CRACD: variants seen among roughly 807,000 people sequenced by gnomAD.
CRACD encodes capping protein inhibiting regulator of actin dynamics, also known as capping protein-inhibiting regulator of actin dynamics.
In CRACD, 56 loss-of-function variants were observed where a neutral mutation model predicts 106.8. That is an observed-to-expected ratio of 0.52 (90% CI 0.42 to 0.66). CRACD has a LOEUF of 0.66. Among genes scored for constraint, CRACD ranks in the 30% least tolerant of loss-of-function variants. The pLI is 0.00. For missense variants in CRACD, 1,730 were observed against 1,623.2 expected (o/e 1.07, Z -1.13); for synonymous variants, 754 against 670.8 (o/e 1.12, Z -1.92).
chr4:56,286,135 G>GT (rs1743326071), intron 3 of CRACD, among the ~76,000 whole-genome samples: 1 of 152,080 alleles, frequency 6.6e-6, no homozygotes, highest in Admixed American at 6.5e-5. Flanking sequence ...GCTCATGACC[G>GT]TAATCCCAGC....
At chr4:56,322,246 C>T (rs565685732) in intron 8 of CRACD, among the ~76,000 whole-genome samples, 1 of 152,218 alleles carries the variant, frequency 6.6e-6, no homozygotes, top group Non-Finnish European at 1.5e-5. Context: ...TTCCCAGGAT[C>T]TCTTTTAATT....
intron 1 of CRACD, among the ~76,000 whole-genome samples, chr4:56,093,689 G>A (rs754162428): frequency 1.3e-5 from 2 of 152,210 alleles, no homozygotes; most frequent in Non-Finnish European, 2.9e-5. Context: ...TCTTCTAAAT[G>A]TTTTCAATGC....
At chr4:56,114,119 C>T (rs1734207256) in intron 1 of CRACD, among the ~76,000 whole-genome samples, 1 of 151,860 alleles carries the variant, frequency 6.6e-6, no homozygotes, top group Non-Finnish European at 1.5e-5. Context: ...GTAGGCAACC[C>T]ATGGCTGATC....
chr4:56,319,331 G>A (rs150392232), intron 8 of CRACD, among the ~76,000 whole-genome samples: 2,339 of 152,260 alleles, frequency 0.015, 32 homozygotes, highest in Admixed American at 0.027. Context: ...TTGGCCAGAC[G>A]TGGTGGCTTA....
intron 1 of CRACD, among the ~76,000 whole-genome samples, chr4:56,158,015 T>C (rs1333508444): frequency 1.3e-5 from 2 of 152,242 alleles, no homozygotes; most frequent in Non-Finnish European, 2.9e-5. Flanking sequence ...GTTTTGCTGT[T>C]ATTTGGTTAC....
intron 3 of CRACD, among the ~76,000 whole-genome samples, chr4:56,290,017 G>C (rs1743614068): frequency 6.6e-6 from 1 of 152,154 alleles, no homozygotes; most frequent in Non-Finnish European, 1.5e-5. Flanking sequence ...TGTTGGCTGT[G>C]TGAGGGCTGT....
At position 56,286,983 on chromosome 4, in the gene CRACD, A is replaced by G. The variant is rs545014762; in HGVS notation, c.-16-11231A>G. On this transcript the variant is annotated intron_variant, in intron 3 of 10. Transcript: ENST00000682029. ...CCATATAGTATTCCAGCAAATTGCA[A>G]TGACTCATCCAGGCCTCCGCTGAGT... 5.5e-4 allele frequency among the ~76,000 whole-genome samples: 84 copies of G among 152,342 alleles called. No homozygotes were observed. In the East Asian group the frequency reaches 6.2e-3, roughly 11 times the overall value.
At chr4:56,286,089 C>A (rs567368910) in intron 3 of CRACD, among the ~76,000 whole-genome samples, 1 of 152,148 alleles carries the variant, frequency 6.6e-6, no homozygotes, top group South Asian at 2.1e-4. Flanking sequence ...GGCAAATTAA[C>A]TCCTTTAAGA....
chr4:56,067,361 C>T (rs1307087338), intron 1 of CRACD, among the ~76,000 whole-genome samples: 2 of 152,098 alleles, frequency 1.3e-5, no homozygotes, highest in African/African-American at 4.8e-5. Context: ...TCTGGCCTGC[C>T]CCAAAACATG....
chr4:56,173,911 G>A (rs1395548166), intron 1 of CRACD, among the ~76,000 whole-genome samples: 1 of 152,124 alleles, frequency 6.6e-6, no homozygotes, highest in Non-Finnish European at 1.5e-5. Flanking sequence ...TTTGATAATG[G>A]CCATCCTAGT....
At chr4:56,319,178 C>T (rs933917915) in intron 8 of CRACD, among the ~76,000 whole-genome samples, 1 of 152,152 alleles carries the variant, frequency 6.6e-6, no homozygotes, top group African/African-American at 2.4e-5. Context: ...GAACAAAAAG[C>T]ACCCACCACA....
intron 1 of CRACD, among the ~76,000 whole-genome samples, chr4:56,078,211 T>C (rs1322862248): frequency 1.3e-5 from 2 of 152,202 alleles, no homozygotes; most frequent in Admixed American, 1.3e-4. Context: ...ATTGTTGTTT[T>C]ATTGGTTTCA....
At chr4:56,162,454 A>G (rs993130760) in intron 1 of CRACD, among the ~76,000 whole-genome samples, 1 of 152,126 alleles carries the variant, frequency 6.6e-6, no homozygotes, top group African/African-American at 2.4e-5. Context: ...AGATCCTCCC[A>G]CCTTGGCCTG....
At chr4:56,267,291 T>G (rs559471787) in intron 2 of CRACD, among the ~76,000 whole-genome samples, 1 of 151,992 alleles carries the variant, frequency 6.6e-6, no homozygotes, top group East Asian at 1.9e-4. Flanking sequence ...CAGCTAATTT[T>G]TTTTGTATTT....
chr4:56,266,446 C>A (rs1742024018), intron 2 of CRACD, among the ~76,000 whole-genome samples: 1 of 152,186 alleles, frequency 6.6e-6, no homozygotes, highest in Non-Finnish European at 1.5e-5. Flanking sequence ...TCCCTCCTGT[C>A]CCCTTCTTCC....
chr4:56,314,096 A>C lies in CRACD; in HGVS notation c.594A>C (p.Gly198=), dbSNP rs199811649. 162 of 1,614,148 alleles carry C rather than the reference A, an allele frequency of 1.0e-4. No individual in the cohort carries two copies. In the African/African-American group the frequency reaches 1.9e-3, roughly 19 times the overall value. The change falls in exon 8 of 11, where the codon GGA becomes GGC. Residue 198 remains glycine (G), a synonymous_variant. Transcript: ENST00000682029. The surrounding 1 kb of genome is among the most constrained non-coding windows in gnomAD (Gnocchi z 4.4). ...GTCGGCCCTGCCTGGACCAGAACGG[A>C]CACCCAGGCGAGGACAAGCCAACGT... ...LESRPCLDQN[G]HPGEDKPTWH... is the part of the protein sequence containing the mutation.
chr4:56,249,636 G>T (rs1740929732), intron 2 of CRACD, among the ~76,000 whole-genome samples: 1 of 152,134 alleles, frequency 6.6e-6, no homozygotes, highest in Admixed American at 6.5e-5. Context: ...GACTATGAAA[G>T]CCTCCATCTC....
At chr4:56,224,709 T>C (rs1405119686) in intron 2 of CRACD, among the ~76,000 whole-genome samples, 1 of 152,222 alleles carries the variant, frequency 6.6e-6, no homozygotes, top group Non-Finnish European at 1.5e-5. Flanking sequence ...ATTGACCTAA[T>C]TTCTTTCTGT....
At chr4:56,126,387 G>A (rs1009475823) in intron 1 of CRACD, among the ~76,000 whole-genome samples, 6 of 152,130 alleles carry the variant, frequency 3.9e-5, no homozygotes, top group African/African-American at 1.4e-4. Context: ...GCACGTATCA[G>A]GCCCTTCAAC....
Sources: gnomAD v4.1 joint callset for allele counts (sites outside exome capture counted in the v4.1 genomes callset) on GRCh38, gnomAD v4.1.1 for gene constraint, Gnocchi (gnomAD v3.1) non-coding constraint, MANE v1.5 for transcripts, NCBI Gene and HGNC (gene_info 2026-07-23, HGNC 2026-07-21) for gene names.